The following MECOM variants were observed in gnomAD, a reference collection of about 807,000 sequenced individuals.
MECOM encodes MDS1 and EVI1 complex locus, also known as histone-lysine N-methyltransferase MECOM.
MECOM carries 13 observed loss-of-function variants against 116.3 expected under a neutral mutation model. The ratio of observed to expected loss-of-function variants is 0.11; its 90% CI spans 0.07 to 0.18. The LOEUF is 0.18. Ranked by LOEUF, MECOM falls within the 10% of genes least tolerant of loss-of-function variation. The pLI is 1.00. For synonymous variants in MECOM, 528 were observed against 535.2 expected (o/e 0.99, Z 0.19); for missense variants, 1,299 against 1,509.0 (o/e 0.86, Z 2.31).
intron 2 of MECOM, among the ~76,000 whole-genome samples, chr3:169,162,202 C>T (rs1742953658): frequency 1.3e-5 from 2 of 152,204 alleles, no homozygotes; most frequent in Non-Finnish European, 2.9e-5. Context: ...CCTGGCCCCA[C>T]AGCACTCTCT....
chr3:169,438,704 G>A (rs1033908690), intron 1 of MECOM, among the ~76,000 whole-genome samples: 9 of 152,210 alleles, frequency 5.9e-5, no homozygotes, highest in African/African-American at 2.2e-4. Flanking sequence ...TGGCCATAGA[G>A]ATGGCCACAG....
At chr3:169,288,147 T>C (rs920501370) in intron 2 of MECOM, among the ~76,000 whole-genome samples, 1 of 151,770 alleles carries the variant, frequency 6.6e-6, no homozygotes, top group African/African-American at 2.4e-5. Flanking sequence ...TGAACCATTA[T>C]GGAAAAAACA....
At chr3:169,089,279 T>C in intron 15 of MECOM, 96 bp from the exon 16 acceptor site, 1 of 829,564 alleles carries the variant, frequency 1.2e-6, no homozygotes, top group Non-Finnish European at 1.7e-6. Context: ...CTGACAAACT[T>C]CATATTGTAT....
intron 1 of MECOM, among the ~76,000 whole-genome samples, chr3:169,445,909 T>C (rs1166331785): frequency 6.6e-6 from 1 of 152,210 alleles, no homozygotes; most frequent in Non-Finnish European, 1.5e-5. Context: ...ATTTTGGACT[T>C]GCATGGGCCC....
chr3:169,100,101 C>CTTTTTTTTTTTTTTTTTTTTTTTT (rs869032341), intron 12 of MECOM, among the ~76,000 whole-genome samples: 1 of 50,632 alleles, frequency 2.0e-5, no homozygotes, highest in Non-Finnish European at 3.6e-5. Flanking sequence ...TTCTTTCTTT[C>CTTTTTTTTTTTTTTTTTTTTTTTT]TTTTTTTTTT....
chr3:169,155,696 T>C (rs1741861116), intron 2 of MECOM, among the ~76,000 whole-genome samples: 1 of 152,168 alleles, frequency 6.6e-6, no homozygotes, highest in South Asian at 2.1e-4. Context: ...TACAATTTGA[T>C]GTCAAATTTA....
intron 1 of MECOM, among the ~76,000 whole-genome samples, chr3:169,427,395 T>C (rs981773767): frequency 3.3e-5 from 5 of 152,152 alleles, no homozygotes; most frequent in African/African-American, 1.2e-4. Flanking sequence ...GTTTTGAGTA[T>C]ACTATAGGCC....
At chr3:169,381,840 C>T (rs962645136) in intron 1 of MECOM, among the ~76,000 whole-genome samples, 77 of 152,246 alleles carry the variant, frequency 5.1e-4, no homozygotes, top group Non-Finnish European at 1.8e-4. Flanking sequence ...AAAGTACAGA[C>T]AAGAAGTTAA....
At chr3:169,397,408 T>C (rs933130488) in intron 1 of MECOM, among the ~76,000 whole-genome samples, 3 of 152,212 alleles carry the variant, frequency 2.0e-5, no homozygotes, top group Non-Finnish European at 4.4e-5. Flanking sequence ...ACCTATTCCA[T>C]TATTTCAGCC....
intron 2 of MECOM, among the ~76,000 whole-genome samples, chr3:169,184,026 G>A (rs192539671): frequency 9.9e-5 from 15 of 151,358 alleles, no homozygotes; most frequent in African/African-American, 1.5e-4. Context: ...CACCACACCC[G>A]GCTAATTTTT....
chr3:169,340,320 T>G (rs1217715277), intron 2 of MECOM, among the ~76,000 whole-genome samples: 1 of 152,180 alleles, frequency 6.6e-6, no homozygotes, highest in Non-Finnish European at 1.5e-5. Flanking sequence ...ACTCTAGTAG[T>G]GTAAATAGCT....
Position 169,146,384 on chromosome 3 carries a change from T to C in MECOM, c.376-2552A>G, listed in dbSNP as rs1392026115. On this transcript the variant is annotated intron_variant, in intron 2 of 16. Transcript: ENST00000651503. ...GATTTTGGCAACCGCACCTTGTGCG[T>C]CCCCGAAACCGACGGACAGAGACAC... 9 of 1,386,774 alleles carry C rather than the reference T, an allele frequency of 6.5e-6. No individual in the cohort carries two copies. In the Admixed American group the frequency reaches 1.5e-4, roughly 24 times the overall value. The allele number at this position is 1,386,774 out of a possible 1,614,324, so 85.9% of individuals were successfully genotyped here. A position where few individuals can be genotyped will look rare whatever the true frequency, so the allele number is the denominator to read the frequency against.
At position 169,180,794 on chromosome 3, in the gene MECOM, G is replaced by GATATATATAT. The variant is rs10576266; in HGVS notation, c.376-36972_376-36963dup. Among the ~76,000 whole-genome samples the GATATATATAT allele has an allele frequency of 7.0e-3, 764 of 108,758 alleles. 61 individuals are homozygous for GATATATATAT. The highest frequency in any genetic ancestry group is 0.027 in the South Asian group (96 of 3,524). The allele number at this position is 108,758 out of a possible 152,430, so 71.3% of individuals were successfully genotyped here. On this transcript the variant is annotated intron_variant, in intron 2 of 16. Transcript: ENST00000651503. ...TATGTATGTGTGTGTGTGTGGAGAT[G>GATATATATAT]ATATATATATATATATATATCAGGC... is the stretch of plus-strand genomic sequence containing the variant.
At chr3:169,151,823 C>A (rs1352047570) in intron 2 of MECOM, among the ~76,000 whole-genome samples, 2 of 152,084 alleles carry the variant, frequency 1.3e-5, no homozygotes, top group African/African-American at 4.8e-5. Flanking sequence ...AAGAGACTTC[C>A]CACTGATTCA....
chr3:169,315,520 A>G (rs1296477069), intron 2 of MECOM, among the ~76,000 whole-genome samples: 1 of 152,198 alleles, frequency 6.6e-6, no homozygotes, highest in Non-Finnish European at 1.5e-5. Context: ...TGACTGGAAG[A>G]AAAGTTATTA....
At chr3:169,494,696 G>A (rs1753604159) in intron 1 of MECOM, among the ~76,000 whole-genome samples, 1 of 152,196 alleles carries the variant, frequency 6.6e-6, no homozygotes, top group Non-Finnish European at 1.5e-5. Context: ...TCAAGGGAAG[G>A]TAGAGGACAG....
At chr3:169,651,389 G>T (rs1774893692) in intron 1 of MECOM, among the ~76,000 whole-genome samples, 1 of 152,124 alleles carries the variant, frequency 6.6e-6, no homozygotes, top group Non-Finnish European at 1.5e-5. Context: ...TTATCTTTTT[G>T]ATAAGTTGTT....
intron 2 of MECOM, among the ~76,000 whole-genome samples, chr3:169,245,899 A>G (rs1755522978): frequency 6.6e-6 from 1 of 152,232 alleles, no homozygotes; most frequent in South Asian, 2.1e-4. Context: ...GAAGAGAGGG[A>G]AAAACTTATA....
chr3:169,415,839 T>C (rs1738496586), intron 1 of MECOM, among the ~76,000 whole-genome samples: 1 of 152,090 alleles, frequency 6.6e-6, no homozygotes, highest in Non-Finnish European at 1.5e-5. Context: ...CCTAAATATA[T>C]ATGCACCCAA....
Sources: allele counts gnomAD v4.1 joint callset (sites outside exome capture counted in the v4.1 genomes callset), GRCh38; gene constraint gnomAD v4.1.1; transcripts MANE v1.5; gene names NCBI Gene and HGNC (gene_info 2026-07-23, HGNC 2026-07-21).